RBFOX1: variants seen among roughly 807,000 people sequenced by gnomAD.
RBFOX1 encodes RNA binding protein fox-1 homolog 1.
Under a neutral mutation model 57.7 loss-of-function variants are expected in RBFOX1, and 8 were observed. That is an observed-to-expected ratio of 0.14 (90% CI 0.08 to 0.25). The LOEUF is 0.25. Ranked by LOEUF, RBFOX1 falls within the 10% of genes least tolerant of loss-of-function variation. RBFOX1 has a pLI of 1.00. For synonymous variants in RBFOX1, 326 were observed against 222.4 expected (o/e 1.47, Z -4.15); for missense variants, 611 against 548.5 (o/e 1.11, Z -1.14).
At chr16:7,310,476 G>T (rs558865506) in intron 4 of RBFOX1, among the ~76,000 whole-genome samples, 19 of 152,230 alleles carry the variant, frequency 1.2e-4, no homozygotes, top group Non-Finnish European at 2.1e-4. Flanking sequence ...AAAAACTGAC[G>T]TTAACTGTGG....
At chr16:7,356,231 C>G (rs1052484397) in intron 4 of RBFOX1, among the ~76,000 whole-genome samples, 1 of 152,184 alleles carries the variant, frequency 6.6e-6, no homozygotes, top group African/African-American at 2.4e-5. Context: ...TGAGTCAAGA[C>G]CCCTGTTTTA....
intron 3 of RBFOX1, among the ~76,000 whole-genome samples, chr16:6,849,778 C>T (rs922941333): frequency 6.6e-6 from 1 of 152,210 alleles, no homozygotes; most frequent in Non-Finnish European, 1.5e-5. Context: ...ATGCCATCTC[C>T]TCCAAGAAGC....
intron 1 of RBFOX1, among the ~76,000 whole-genome samples, chr16:6,061,429 ATATC>A (rs1567358902): frequency 6.6e-6 from 1 of 152,072 alleles, no homozygotes; most frequent in Non-Finnish European, 1.5e-5. Context: ...GTTTTGTTAT[ATATC>A]TATATTGTAT....
At chr16:7,594,224 G>A (rs1460015934) in intron 7 of RBFOX1, among the ~76,000 whole-genome samples, 1 of 151,300 alleles carries the variant, frequency 6.6e-6, no homozygotes, top group African/African-American at 2.4e-5. Context: ...GAGAACTAAT[G>A]TAGGACTGGG....
At chr16:6,609,837 A>T (rs2098014970) in intron 2 of RBFOX1, among the ~76,000 whole-genome samples, 2 of 151,994 alleles carry the variant, frequency 1.3e-5, no homozygotes, top group African/African-American at 4.8e-5. Context: ...GTGAAACCCC[A>T]TCTTTAGTAA....
intron 3 of RBFOX1, among the ~76,000 whole-genome samples, chr16:6,856,541 G>T (rs546012636): frequency 6.6e-6 from 1 of 152,118 alleles, no homozygotes; most frequent in African/African-American, 2.4e-5. Context: ...GCTCCCTCAT[G>T]AATGTTCATC....
intron 1 of RBFOX1, among the ~76,000 whole-genome samples, chr16:6,272,580 A>C (rs902245391): frequency 3.5e-4 from 53 of 152,196 alleles, no homozygotes; most frequent in Non-Finnish European, 7.3e-5. Context: ...GGATAGAGAC[A>C]ACACTATTCT....
chr16:5,541,987 T>C (rs1336045272), intron 2 of RBFOX1, among the ~76,000 whole-genome samples: 1 of 152,234 alleles, frequency 6.6e-6, no homozygotes, highest in East Asian at 1.9e-4. Context: ...TGGTGCACCA[T>C]CACCAGGGGC....
intron 2 of RBFOX1, among the ~76,000 whole-genome samples, chr16:6,590,541 C>G (rs537832404): frequency 6.6e-6 from 1 of 152,232 alleles, no homozygotes; most frequent in East Asian, 1.9e-4. Flanking sequence ...GAGCCCCCTG[C>G]GACTAGTTTG....
chr16:7,706,338 T>A (rs985489238), intron 14 of RBFOX1, among the ~76,000 whole-genome samples: 2 of 152,194 alleles, frequency 1.3e-5, no homozygotes, highest in African/African-American at 4.8e-5. Context: ...GGCAGCTCAT[T>A]TCTGAGGAGT....
chr16:7,218,450 C>T (rs910424528), intron 4 of RBFOX1, among the ~76,000 whole-genome samples: 1 of 151,978 alleles, frequency 6.6e-6, no homozygotes. Context: ...ATATTCGATC[C>T]CAGTGAGAGA....
At position 7,693,463 on chromosome 16, in the gene RBFOX1, T is replaced by A. The variant is rs1005720213; in HGVS notation, c.996-15593T>A. On this transcript the variant is annotated intron_variant, in intron 14 of 15. Transcript: ENST00000550418. Reference sequence around the variant, plus strand: ...CTTCACATGCTGCAGTTGGTCACTCTAGAAAGTTTAGTTAAGAAAAAAAAA... The same window carrying A: ...CTTCACATGCTGCAGTTGGTCACTCAAGAAAGTTTAGTTAAGAAAAAAAAA... The A allele has an allele frequency of 1.7e-4, 156 of 906,306 alleles. No individual in the cohort carries two copies. The East Asian group carries it at 3.8e-3, about 22-fold the overall frequency. The allele number at this position is 906,306 out of a possible 1,614,324, so 56.1% of individuals were successfully genotyped here. A position where few individuals can be genotyped will look rare whatever the true frequency, so the allele number is the denominator to read the frequency against.
At chr16:7,482,226 C>T (rs1017796890) in intron 4 of RBFOX1, among the ~76,000 whole-genome samples, 4 of 152,202 alleles carry the variant, frequency 2.6e-5, no homozygotes, top group African/African-American at 7.2e-5. Flanking sequence ...GTGCCTGGTG[C>T]ATTGCATTGT....
intron 3 of RBFOX1, among the ~76,000 whole-genome samples, chr16:6,800,218 T>C (rs2085067319): frequency 6.9e-6 from 1 of 145,870 alleles, no homozygotes; most frequent in Non-Finnish European, 1.5e-5. Context: ...TCCTGCCTCA[T>C]AACCATGTCT....
At chr16:6,926,300 C>G (rs1161527136) in intron 3 of RBFOX1, among the ~76,000 whole-genome samples, 3 of 152,178 alleles carry the variant, frequency 2.0e-5, no homozygotes, top group Non-Finnish European at 2.9e-5. Flanking sequence ...GAGCAAGACT[C>G]CATCTCAAAG....
At chr16:5,431,751 T>A (rs563124476) in intron 1 of RBFOX1, among the ~76,000 whole-genome samples, 249 of 152,278 alleles carry the variant, frequency 1.6e-3, no homozygotes, top group African/African-American at 5.7e-3. Flanking sequence ...GATGGCAAGT[T>A]TGCTTTTTGT....
chr16:6,986,962 C>G (rs779222691), intron 3 of RBFOX1, among the ~76,000 whole-genome samples: 5 of 152,142 alleles, frequency 3.3e-5, no homozygotes, highest in African/African-American at 7.2e-5. Context: ...CCTACCCATG[C>G]TTTCGAATGC....
chr16:7,627,243 C>A (rs2060221382), intron 10 of RBFOX1, among the ~76,000 whole-genome samples: 1 of 146,528 alleles, frequency 6.8e-6, no homozygotes, highest in African/African-American at 2.6e-5. Context: ...AGAGCAGGAA[C>A]AGCATGAAGG....
chr16:5,501,477 G>C (rs1169418225), intron 2 of RBFOX1, among the ~76,000 whole-genome samples: 2 of 152,146 alleles, frequency 1.3e-5, no homozygotes, highest in Non-Finnish European at 2.9e-5. Flanking sequence ...TGGGGAGGCA[G>C]GCTGAATCCT....
Sources: gnomAD v4.1 joint callset for allele counts (sites outside exome capture counted in the v4.1 genomes callset) on GRCh38, gnomAD v4.1.1 for gene constraint, MANE v1.5 for transcripts, NCBI Gene and HGNC (gene_info 2026-07-23, HGNC 2026-07-21) for gene names.